FAM98B: variants seen among roughly 807,000 people sequenced by gnomAD.
FAM98B encodes tRNA splicing ligase complex subunit 3B.
A neutral mutation model predicts 43.9 loss-of-function variants in FAM98B; 32 were observed. The ratio of observed to expected loss-of-function variants is 0.73; its 90% CI spans 0.55 to 0.98. The LOEUF (loss-of-function observed/expected upper bound fraction) is 0.98, where lower values mean the gene tolerates loss of function less well. FAM98B is among the 50% of genes least tolerant of loss of function. The pLI, the probability that FAM98B is intolerant of heterozygous loss-of-function variation, is 0.00. For missense variants in FAM98B, 514 were observed against 522.9 expected (o/e 0.98, Z 0.17); for synonymous variants, 190 against 174.0 (o/e 1.09, Z -0.72).
At chr15:38,460,168 G>C (rs57038433) in intron 1 of FAM98B, among the ~76,000 whole-genome samples, 1,937 of 152,312 alleles carry the variant, frequency 0.013, 44 homozygotes, top group African/African-American at 0.044. Flanking sequence ...AGGCCTAGGG[G>C]AGATGTTCCC....
At chr15:38,479,251 A>G (rs1262499720) in intron 6 of FAM98B, among the ~76,000 whole-genome samples, 1 of 152,186 alleles carries the variant, frequency 6.6e-6, no homozygotes, top group African/African-American at 2.4e-5. Context: ...TACAGGAATG[A>G]GCCACTGTGC....
At chr15:38,469,256 ATAATCATT>A (rs1890086770) in intron 3 of FAM98B, among the ~76,000 whole-genome samples, 1 of 152,124 alleles carries the variant, frequency 6.6e-6, no homozygotes, top group Non-Finnish European at 1.5e-5. Flanking sequence ...AAACAAGACT[ATAATCATT>A]TAAGATTTTT....
rs755335736 is a variant in FAM98B at position 38,454,205 on chromosome 15, A to G, written c.44A>G (p.Asp15Gly). Residue 15 changes from aspartate (D) to glycine (G), a missense_variant, in exon 1 of 8, where the codon GAC (aspartate) becomes GGC (glycine). By Grantham distance (94) the Asp-to-Gly change is moderately conservative (BLOSUM62 -1). Transcript: ENST00000397609. ...GGTCCCCAACCGACGATGGAGGGAG[A>G]CGTGCTGGACACACTGGAGGCGCTG... ...EPGPQPTMEG[D>G]VLDTLEALGY... 5.0e-6 allele frequency: 8 copies of G among 1,604,162 alleles called. No homozygotes were observed. Among genetic ancestry groups the G allele is most frequent in the Middle Eastern group, 1.6e-4 (1 of 6,066 alleles).
intron 3 of FAM98B, among the ~76,000 whole-genome samples, chr15:38,468,105 G>A (rs913802607): frequency 2.6e-5 from 4 of 152,194 alleles, no homozygotes; most frequent in East Asian, 1.9e-4. Context: ...GATTAGCATC[G>A]TAAATGCTAA....
intron 6 of FAM98B, among the ~76,000 whole-genome samples, chr15:38,477,821 T>A (rs1371911307): frequency 6.6e-6 from 1 of 152,214 alleles, no homozygotes; most frequent in Non-Finnish European, 1.5e-5. Context: ...TTGGAGTAAC[T>A]GCTTTGTGCA....
chr15:38,458,984 C>G, intron 1 of FAM98B: 1 of 381,198 alleles, frequency 2.6e-6, no homozygotes, highest in Non-Finnish European at 5.3e-6. Flanking sequence ...CTGGTGGAAC[C>G]ACAGGACTCA....
At chr15:38,464,241 G>A in intron 2 of FAM98B, 64 bp downstream of exon 2, 4 of 1,458,762 alleles carry the variant, frequency 2.7e-6, no homozygotes, top group Non-Finnish European at 3.7e-6. Context: ...ACGGTTTATA[G>A]TTTTATCAAT....
chr15:38,468,182 G>A (rs1308547249), intron 3 of FAM98B, among the ~76,000 whole-genome samples: 2 of 152,114 alleles, frequency 1.3e-5, no homozygotes, highest in African/African-American at 4.8e-5. Context: ...TTCAGCCAAG[G>A]TTCTGTCTAA....
chr15:38,470,397 G>T lies in FAM98B; in HGVS notation c.523G>T (p.Glu175Ter). The T allele has an allele frequency of 6.3e-7, 1 of 1,590,430 alleles. No homozygotes were observed. The highest frequency in any genetic ancestry group is 1.2e-5 in the South Asian group (1 of 85,354). Residue 175 changes from glutamate (E) to a stop codon, truncating the protein, a stop_gained, in exon 4 of 8, where the codon GAA (glutamate) becomes TAA (stop). Coordinates refer to ENST00000397609, the MANE Select transcript of FAM98B (RefSeq NM_173611.4). LOFTEE classifies it high-confidence loss of function. The stretch of plus-strand genomic sequence containing the variant: ...CATTCCGCATATGCTAAACCAAGTG[G>T]AATCAAAGGTATTATCTTTGTTTTA... Reference protein sequence around the residue: ...SDIPHMLNQVESKVKDILSKV... With the variant: ...SDIPHMLNQV
intron 1 of FAM98B, among the ~76,000 whole-genome samples, chr15:38,459,909 T>G (rs1449464732): frequency 6.6e-6 from 1 of 152,190 alleles, no homozygotes; most frequent in Non-Finnish European, 1.5e-5. Flanking sequence ...GTGGACATTT[T>G]TAGGAAGCAG....
rs1302613395 is a variant in FAM98B, at chr15:38,481,374, T to C, written c.812T>C (p.Leu271Pro). The change falls in exon 7 of 8, where the codon CTA becomes CCA. Residue 271 changes from leucine to proline, a missense_variant. Leu to Pro is a moderately conservative substitution (Grantham distance 98, BLOSUM62 -3). Transcript: ENST00000397609. Reference protein sequence around the residue: ...SPKTTITMAHLLAAREDLSKI... With the variant: ...SPKTTITMAHPLAAREDLSKI... ...AAGACAACGATTACAATGGCACATC[T>C]ACTTGCTGCTCGTGAAGATCTATCC... 6.2e-7 allele frequency: 1 copy of C among 1,614,218 alleles called. No individual in the cohort carries two copies. Among genetic ancestry groups the C allele is most frequent in the Admixed American group, 1.7e-5 (1 of 60,026 alleles).
At chr15:38,479,207 A>G (rs1053457773) in intron 6 of FAM98B, among the ~76,000 whole-genome samples, 4 of 152,130 alleles carry the variant, frequency 2.6e-5, no homozygotes, top group African/African-American at 7.2e-5. Context: ...GCCTCAAGTA[A>G]TGCTCCCACT....
Position 38,464,189 on chromosome 15 carries a change from A to G in FAM98B, c.217+12A>G, listed in dbSNP as rs1351994312. The G allele has an allele frequency of 2.5e-6, 4 of 1,603,714 alleles. No individual in the cohort carries two copies. The highest frequency in any genetic ancestry group is 2.6e-6 in the Non-Finnish European group (3 of 1,174,376). On this transcript the variant is annotated intron_variant, in intron 2 of 7. Coordinates refer to ENST00000397609, the MANE Select transcript of FAM98B (RefSeq NM_173611.4). ...TATCACGTCTGCTGGTATTGCCATT[A>G]TGTTGTATTTACTTTTCTGTTTAAT...
chr15:38,466,232 A>C (rs1890029742), intron 3 of FAM98B, among the ~76,000 whole-genome samples: 1 of 150,012 alleles, frequency 6.7e-6, no homozygotes, highest in Non-Finnish European at 1.5e-5. Context: ...AGTGGTGACA[A>C]AAGTATTGGC....
rs998265046 is a variant in FAM98B, at chr15:38,485,956, T to C, written c.*1297T>C. 1 of 152,174 alleles carries C rather than the reference T, an allele frequency of 6.6e-6. No individual in the cohort carries two copies. Among genetic ancestry groups the C allele is most frequent in the Non-Finnish European group, 1.5e-5 (1 of 68,016 alleles). The allele number at this position is 152,174 out of a possible 1,614,324, so 9.4% of individuals were successfully genotyped here. On this transcript the variant is annotated 3_prime_UTR_variant, in exon 8 of 8. Coordinates refer to ENST00000397609, the MANE Select transcript of FAM98B (RefSeq NM_173611.4). Reference sequence around the variant, plus strand: ...ATTGTAGGCTTCTGGTCAATACCTATACATAACAACTTAATGTGATCTAAC... The same window carrying C: ...ATTGTAGGCTTCTGGTCAATACCTACACATAACAACTTAATGTGATCTAAC...
Position 38,487,120 on chromosome 15 carries a change from C to T in FAM98B, c.*2461C>T, listed in dbSNP as rs1157346122. 6.6e-6 allele frequency: 1 copy of T among 151,894 alleles called. No homozygotes were observed. The highest frequency in any genetic ancestry group is 1.5e-5 in the Non-Finnish European group (1 of 67,904). 9.4% of individuals were successfully genotyped at this position (151,894 alleles called of 1,614,324 possible). A position where few individuals can be genotyped will look rare whatever the true frequency, so the allele number is the denominator to read the frequency against. ...TAAAGTAGTCATCTTTCCTCTCGAC[C>T]GTATAAAGAGCATGTATTCTGTCTA... On this transcript the variant is annotated 3_prime_UTR_variant, in exon 8 of 8. Transcript: ENST00000397609.
rs951887408 is a variant in FAM98B, at chr15:38,486,637, T to C, written c.*1978T>C. On this transcript the variant is annotated 3_prime_UTR_variant, in exon 8 of 8. Coordinates refer to ENST00000397609, the MANE Select transcript of FAM98B (RefSeq NM_173611.4). ...TTTCCTATCAAAGTTTAGCACTTGC[T>C]CCTGGAATCGTGTTGGAGCTGAAAC... 6 of 152,184 alleles carry C rather than the reference T, an allele frequency of 3.9e-5. No homozygotes were observed. Among genetic ancestry groups the C allele is most frequent in the African/African-American group, 1.4e-4 (6 of 41,464 alleles). The allele number at this position is 152,184 out of a possible 1,614,324, so 9.4% of individuals were successfully genotyped here. A position where few individuals can be genotyped will look rare whatever the true frequency, so the allele number is the denominator to read the frequency against.
At position 38,487,425 on chromosome 15, in the gene FAM98B, A is replaced by G. The variant is rs12591633; in HGVS notation, c.*2766A>G. The G allele has an allele frequency of 0.73, 110,568 of 151,960 alleles. 40,353 individuals carry two copies. Among genetic ancestry groups the G allele is most frequent in the South Asian group, 0.82 (3,940 of 4,818 alleles). 9.4% of individuals were successfully genotyped at this position (151,960 alleles called of 1,614,324 possible). ...AGAAATGTGGGGATGAAAATTGGGG[A>G]AGGTGAGCAGGCAGTTTAATCTTGC... On this transcript the variant is annotated 3_prime_UTR_variant, in exon 8 of 8. Transcript: ENST00000397609.
chr15:38,474,126 T>C (rs1475621604), intron 5 of FAM98B, 56 bp from the exon 6 acceptor site: 2 of 1,321,224 alleles, frequency 1.5e-6, no homozygotes, highest in African/African-American at 2.9e-5. Flanking sequence ...CAGATTTCTT[T>C]TCTTTGCAGA....
Sources: gnomAD v4.1 joint callset for allele counts (sites outside exome capture counted in the v4.1 genomes callset) on GRCh38, gnomAD v4.1.1 for gene constraint, MANE v1.5 for transcripts, NCBI Gene and HGNC (gene_info 2026-07-23, HGNC 2026-07-21) for gene names.